WWOX: variants seen among roughly 807,000 people sequenced by gnomAD.
WWOX encodes WW domain-containing oxidoreductase.
WWOX carries 69 observed loss-of-function variants against 46.2 expected under a neutral mutation model. The observed-to-expected ratio is 1.49, with a 90% CI of 1.23 to 1.82. The LOEUF (loss-of-function observed/expected upper bound fraction) is 1.82, where lower values mean the gene tolerates loss of function less well. Among genes scored for constraint, WWOX ranks in the 40% most tolerant of loss-of-function variants. The pLI is 0.00. For synonymous variants in WWOX, 359 were observed against 202.6 expected (o/e 1.77, Z -6.56); for missense variants, 919 against 542.6 (o/e 1.69, Z -6.89).
intron 8 of WWOX, among the ~76,000 whole-genome samples, chr16:78,630,579 C>T (rs1027751193): frequency 1.4e-4 from 21 of 152,140 alleles, no homozygotes; most frequent in African/African-American, 4.8e-4. Flanking sequence ...TTAAATGCAT[C>T]CTGTGTGACC....
chr16:78,785,887 T>G (rs2050443619), intron 8 of WWOX, among the ~76,000 whole-genome samples: 1 of 152,160 alleles, frequency 6.6e-6, no homozygotes. Context: ...ACTTTTGAAT[T>G]TGAGTTAATA....
intron 8 of WWOX, among the ~76,000 whole-genome samples, chr16:78,566,415 C>T (rs867185533): frequency 1.6e-4 from 25 of 152,290 alleles, no homozygotes; most frequent in Middle Eastern, 6.8e-3. Flanking sequence ...AGAGGGTCCT[C>T]TGGCTTTCTG....
At chr16:78,730,005 T>G (rs1319227007) in intron 8 of WWOX, among the ~76,000 whole-genome samples, 3 of 152,280 alleles carry the variant, frequency 2.0e-5, no homozygotes, top group African/African-American at 7.2e-5. Context: ...ACATCATCCT[T>G]GTGTTACTTC....
In WWOX at chr16:78,681,299, G is replaced by T. The variant is rs368072720; in HGVS notation, c.1056+248547G>T. On this transcript the variant is annotated intron_variant, in intron 8 of 8. Transcript: ENST00000566780. ...ATGTGCCTATGGTCCCAGCTACTTG[G>T]GAGGCTGAGGTGGGAGGATGGCTTG... 7.2e-5 allele frequency among the ~76,000 whole-genome samples: 11 copies of T among 152,272 alleles called. No individual in the cohort carries two copies. In the East Asian group the frequency reaches 1.7e-3, roughly 24 times the overall value.
intron 8 of WWOX, among the ~76,000 whole-genome samples, chr16:78,912,228 T>C (rs2045130272): frequency 6.6e-6 from 1 of 152,076 alleles, no homozygotes; most frequent in South Asian, 2.1e-4. Flanking sequence ...CCAGTTGTTT[T>C]GAAGCATGTC....
chr16:79,012,223 C>G (rs1023927962), intron 8 of WWOX, among the ~76,000 whole-genome samples: 1 of 152,066 alleles, frequency 6.6e-6, no homozygotes, highest in African/African-American at 2.4e-5. Context: ...TGGCATGCAA[C>G]TAGTATGACA....
chr16:78,503,541 T>C (rs2085120471), intron 8 of WWOX: 2 of 152,358 alleles, frequency 1.3e-5, no homozygotes, highest in Admixed American at 1.3e-4. Context: ...TTATTTTCTC[T>C]CTAAAAGCAT....
intron 8 of WWOX, among the ~76,000 whole-genome samples, chr16:79,009,474 CTT>C (rs550493575): frequency 3.5e-5 from 5 of 144,138 alleles, no homozygotes; most frequent in Non-Finnish European, 4.6e-5. Flanking sequence ...ATCAAATTTT[CTT>C]TTTTTTTTTT....
chr16:78,828,890 A>T (rs188461866), intron 8 of WWOX, among the ~76,000 whole-genome samples: 1 of 152,206 alleles, frequency 6.6e-6, no homozygotes, highest in African/African-American at 2.4e-5. Flanking sequence ...TAATCCTAAA[A>T]TGTAGATGTA....
chr16:79,132,679 T>C (rs992711954), intron 8 of WWOX, among the ~76,000 whole-genome samples: 39 of 152,180 alleles, frequency 2.6e-4, no homozygotes, highest in African/African-American at 9.4e-4. Flanking sequence ...TTATTACTTA[T>C]ATTGTCGCTT....
chr16:79,050,105 T>C (rs1032012321), intron 8 of WWOX, among the ~76,000 whole-genome samples: 1 of 152,158 alleles, frequency 6.6e-6, no homozygotes. Flanking sequence ...TTGCTGCTGC[T>C]GCGTAACCGT....
chr16:78,261,921 G>C (rs2079253019), intron 5 of WWOX, among the ~76,000 whole-genome samples: 1 of 150,070 alleles, frequency 6.7e-6, no homozygotes, highest in Non-Finnish European at 1.5e-5. Flanking sequence ...TTAAATTTTA[G>C]ATCAATAATG....
At chr16:78,492,118 G>C (rs1408242609) in intron 8 of WWOX, among the ~76,000 whole-genome samples, 1 of 152,180 alleles carries the variant, frequency 6.6e-6, no homozygotes, top group African/African-American at 2.4e-5. Context: ...GGTTTCACAT[G>C]ACAAGTAAAT....
At chr16:78,747,695 C>A (rs374811312) in intron 8 of WWOX, among the ~76,000 whole-genome samples, 1 of 152,150 alleles carries the variant, frequency 6.6e-6, no homozygotes, top group Non-Finnish European at 1.5e-5. Flanking sequence ...ACAATTGTTT[C>A]CTCGATTACT....
chr16:78,454,254 C>T (rs1174706400), intron 8 of WWOX, among the ~76,000 whole-genome samples: 2 of 152,060 alleles, frequency 1.3e-5, no homozygotes, highest in African/African-American at 2.4e-5. Flanking sequence ...ATGGACAGAT[C>T]AAGATGTTCT....
intron 5 of WWOX, among the ~76,000 whole-genome samples, chr16:78,275,494 T>C (rs2079560678): frequency 6.6e-6 from 1 of 152,254 alleles, no homozygotes; most frequent in Non-Finnish European, 1.5e-5. Flanking sequence ...AGGTATGTGC[T>C]GAGGATCTCT....
chr16:79,042,274 C>G (rs903006123), intron 8 of WWOX, among the ~76,000 whole-genome samples: 1 of 152,184 alleles, frequency 6.6e-6, no homozygotes, highest in Non-Finnish European at 1.5e-5. Flanking sequence ...TCCTCACTGT[C>G]TTTTGCATTA....
intron 8 of WWOX, among the ~76,000 whole-genome samples, chr16:78,978,388 T>C (rs2046614635): frequency 6.6e-6 from 1 of 152,170 alleles, no homozygotes; most frequent in African/African-American, 2.4e-5. Flanking sequence ...CAGTAATTCT[T>C]TTTAACTTTT....
intron 8 of WWOX, among the ~76,000 whole-genome samples, chr16:78,831,891 T>G (rs563232190): frequency 1.8e-4 from 28 of 152,302 alleles, no homozygotes; most frequent in African/African-American, 6.3e-4. Context: ...CGCATATTGG[T>G]GATCTCGTCG....
Sources: allele counts gnomAD v4.1 joint callset (sites outside exome capture counted in the v4.1 genomes callset), GRCh38; gene constraint gnomAD v4.1.1; transcripts MANE v1.5; gene names NCBI Gene and HGNC (gene_info 2026-07-23, HGNC 2026-07-21).